The following ARHGEF6 variants were observed in gnomAD, a reference collection of about 807,000 sequenced individuals.
ARHGEF6 encodes the protein rho guanine nucleotide exchange factor 6.
A neutral mutation model predicts 70.3 loss-of-function variants in ARHGEF6; 9 were observed. The observed-to-expected ratio is 0.13, with a 90% CI of 0.08 to 0.22. The LOEUF (loss-of-function observed/expected upper bound fraction) is 0.22, where lower values mean the gene tolerates loss of function less well. Among genes scored for constraint, ARHGEF6 ranks in the 10% least tolerant of loss-of-function variants. The probability of loss-of-function intolerance (pLI) is 1.00; values close to 1 mark genes in which losing one functional copy is unlikely to be tolerated. For missense variants in ARHGEF6, 470 were observed against 563.0 expected, an observed-to-expected ratio of 0.83 and a Z score of 1.67; for synonymous variants, 201 against 207.8, an observed-to-expected ratio of 0.97 and a Z score of 0.28.
intron 5 of ARHGEF6, among the ~76,000 whole-genome samples, chrX:136,742,001 G>C (rs12394443): frequency 2.7e-5 from 3 of 111,419 alleles, no homozygotes; most frequent in Non-Finnish European, 5.7e-5. Flanking sequence ...ATGGGGGCTC[G>C]GTGCCCTTAA....
At chrX:136,712,200 C>G (rs1451463520) in intron 7 of ARHGEF6, among the ~76,000 whole-genome samples, 2 of 111,647 alleles carry the variant, frequency 1.8e-5, no homozygotes, top group African/African-American at 6.5e-5. Flanking sequence ...CCTCCGCCTC[C>G]CAGGCTCAAG....
intron 9 of ARHGEF6, among the ~76,000 whole-genome samples, chrX:136,699,767 G>A (rs888945682): frequency 9.0e-6 from 1 of 111,431 alleles, no homozygotes; most frequent in Non-Finnish European, 1.9e-5. Context: ...ATCTTGAGGC[G>A]GGGCAATGCT....
At chrX:136,675,120 C>CT (rs1225662418) in intron 18 of ARHGEF6, 24 bp from the exon 19 acceptor site, 1 of 1,162,399 alleles carries the variant, frequency 8.6e-7, no homozygotes. Context: ...TTCATCATGA[C>CT]TTTTCATAGA....
chrX:136,668,211 G>T (rs746496281), intron 21 of ARHGEF6, 42 bp from the exon 22 acceptor site: 2 of 1,202,690 alleles, frequency 1.7e-6, no homozygotes, highest in Admixed American at 2.2e-5. Flanking sequence ...ACAGAGGGGG[G>T]CCCTTCCAAG....
At chrX:136,780,674 C>T (rs2077440029) in intron 1 of ARHGEF6, 44 bp downstream of exon 1, 1 of 1,128,061 alleles carries the variant, frequency 8.9e-7, no homozygotes, top group African/African-American at 1.8e-5. Context: ...GATTGCTGCT[C>T]TCTGGTGATA....
chrX:136,727,365 CTTT>C (rs2076870623), intron 6 of ARHGEF6, among the ~76,000 whole-genome samples: 7 of 66,144 alleles, frequency 1.1e-4, no homozygotes, highest in Admixed American at 3.7e-4. Context: ...TTCTTTCTTT[CTTT>C]CTTTCTTTCT....
At chrX:136,736,356 AAT>A (rs1474232591) in intron 5 of ARHGEF6, among the ~76,000 whole-genome samples, 1 of 112,040 alleles carries the variant, frequency 8.9e-6, no homozygotes, top group Non-Finnish European at 1.9e-5. Flanking sequence ...AAAGTCCCTT[AAT>A]ATATGTTATG....
At chrX:136,671,546 C>A (rs2076225631) in intron 20 of ARHGEF6, among the ~76,000 whole-genome samples, 1 of 112,349 alleles carries the variant, frequency 8.9e-6, no homozygotes, top group Non-Finnish European at 1.9e-5. Flanking sequence ...ACCTCAGTTT[C>A]TTTATCTGTG....
intron 6 of ARHGEF6, among the ~76,000 whole-genome samples, chrX:136,722,347 T>C (rs1373961445): frequency 8.9e-6 from 1 of 112,208 alleles, no homozygotes; most frequent in East Asian, 2.8e-4. Flanking sequence ...TAAAAACTTT[T>C]GTGTGTTAAA....
chrX:136,708,767 C>G lies in ARHGEF6; in HGVS notation c.831G>C (p.Leu277=), dbSNP rs764461031. The part of the protein sequence containing the change: ...YLRPLQSNNN[L]STVEVTSLLG... The stretch of plus-strand genomic sequence containing the variant: ...GTAAAGATGTAACCTCCACAGTACT[C>G]AGACTGAAAAAAAAATACAGTACAT... Residue 277 remains leucine, a synonymous_variant, in exon 8 of 22, where the codon CTG becomes CTC. Transcript: ENST00000250617. 1.8e-5 allele frequency: 21 copies of G among 1,176,843 alleles called. No homozygotes were observed. The highest frequency in any genetic ancestry group is 2.2e-5 in the Non-Finnish European group (19 of 867,733).
intron 2 of ARHGEF6, among the ~76,000 whole-genome samples, chrX:136,751,776 C>A (rs1022935172): frequency 5.4e-5 from 6 of 111,701 alleles, no homozygotes; most frequent in South Asian, 3.8e-4. Flanking sequence ...GATTTCTGGC[C>A]TCCAGAACTA....
At chrX:136,767,657 G>A (rs1386926971) in intron 2 of ARHGEF6, 3 of 752,632 alleles carry the variant, frequency 4.0e-6, no homozygotes, top group Non-Finnish European at 4.7e-6. Context: ...ACTGCCGGGG[G>A]AGCCAGCCCG....
At chrX:136,681,658 A>C (rs927752972) in intron 14 of ARHGEF6, among the ~76,000 whole-genome samples, 1 of 112,280 alleles carries the variant, frequency 8.9e-6, no homozygotes, top group Admixed American at 9.4e-5. Context: ...AGTAGCTCTC[A>C]TGCAACAGAA....
At chrX:136,708,959 A>T (rs1221386495) in intron 7 of ARHGEF6, among the ~76,000 whole-genome samples, 189 bp from the exon 8 acceptor site, 1 of 112,260 alleles carries the variant, frequency 8.9e-6, no homozygotes, top group African/African-American at 3.2e-5. Flanking sequence ...TAATAAGAAT[A>T]ATGATCCTAA....
intron 9 of ARHGEF6, among the ~76,000 whole-genome samples, chrX:136,700,915 G>A (rs763418022): frequency 2.7e-5 from 3 of 112,268 alleles, no homozygotes; most frequent in East Asian, 5.6e-4. Flanking sequence ...GGTAATGTAA[G>A]CAGAGTGATA....
At chrX:136,710,252 C>A (rs929806068) in intron 7 of ARHGEF6, among the ~76,000 whole-genome samples, 1 of 101,195 alleles carries the variant, frequency 9.9e-6, no homozygotes, top group African/African-American at 3.6e-5. Context: ...TGCAGTGAGC[C>A]GAGATCTCAC....
intron 9 of ARHGEF6, among the ~76,000 whole-genome samples, chrX:136,696,438 T>G (rs2076511328): frequency 1.8e-5 from 2 of 110,175 alleles, no homozygotes; most frequent in Non-Finnish European, 3.8e-5. Context: ...GTCAACATAG[T>G]GAAAGCCCTG....
chrX:136,775,088 C>T (rs2077393832), intron 2 of ARHGEF6, among the ~76,000 whole-genome samples: 1 of 111,132 alleles, frequency 9.0e-6, no homozygotes, highest in African/African-American at 3.3e-5. Flanking sequence ...TATATGAATT[C>T]CTTGAAATGT....
intron 2 of ARHGEF6, among the ~76,000 whole-genome samples, chrX:136,773,202 C>T (rs1368021744): frequency 2.7e-5 from 3 of 111,744 alleles, no homozygotes; most frequent in Non-Finnish European, 5.6e-5. Flanking sequence ...AATTTCAAGC[C>T]GGTATGCTTT....
Sources: allele counts gnomAD v4.1 joint callset (sites outside exome capture counted in the v4.1 genomes callset), GRCh38; gene constraint gnomAD v4.1.1; transcripts MANE v1.5; gene names NCBI Gene and HGNC (gene_info 2026-07-23, HGNC 2026-07-21).